The following ANXA3 variants were observed in gnomAD, a reference collection of about 807,000 sequenced individuals.
The protein encoded by ANXA3 is 35-alpha calcimedin.
A neutral mutation model predicts 48.8 loss-of-function variants in ANXA3; 46 were observed. The ratio of observed to expected loss-of-function variants is 0.94; its 90% CI spans 0.74 to 1.21. The LOEUF is 1.21. ANXA3 is among the 50% of genes most tolerant of loss of function. ANXA3 has a pLI of 0.00. For synonymous variants in ANXA3, 128 were observed against 134.7 expected (o/e 0.95, Z 0.35); for missense variants, 383 against 378.6 (o/e 1.01, Z -0.10).
chr4:78,595,949 A>G, intron 9 of ANXA3, 62 bp downstream of exon 9: 5 of 1,143,772 alleles, frequency 4.4e-6, no homozygotes, highest in Non-Finnish European at 6.5e-6. Flanking sequence ...TTTTGCATTT[A>G]GTATACAAAG....
intron 2 of ANXA3, among the ~76,000 whole-genome samples, chr4:78,563,830 T>C (rs941632245): frequency 6.6e-6 from 1 of 152,166 alleles, no homozygotes; most frequent in Admixed American, 6.5e-5. Flanking sequence ...ATAAATTCTC[T>C]ATATATTCCT....
intron 5 of ANXA3, among the ~76,000 whole-genome samples, chr4:78,585,165 T>G (rs1361509429): frequency 3.9e-5 from 6 of 152,240 alleles, no homozygotes. Context: ...ATCTGAGCAT[T>G]GTTTCTCTAT....
intron 3 of ANXA3, among the ~76,000 whole-genome samples, chr4:78,576,643 T>G (rs961058893): frequency 6.6e-6 from 1 of 152,146 alleles, no homozygotes; most frequent in East Asian, 1.9e-4. Flanking sequence ...TTTCATGAGG[T>G]TAATAGTCTT....
intron 1 of ANXA3, 26 bp from the exon 2 acceptor site, chr4:78,554,410 A>C: frequency 7.0e-7 from 1 of 1,437,004 alleles, no homozygotes; most frequent in Non-Finnish European, 9.8e-7. Flanking sequence ...TATTGATACC[A>C]TTTACTAATT....
chr4:78,604,453 C>T, intron 12 of ANXA3, 54 bp downstream of exon 12: 3 of 1,481,708 alleles, frequency 2.0e-6, no homozygotes, highest in South Asian at 2.4e-5. Context: ...CTACCCATCT[C>T]CTTACTCTTA....
intron 2 of ANXA3, among the ~76,000 whole-genome samples, chr4:78,571,892 A>G (rs1396726431): frequency 2.0e-5 from 3 of 152,240 alleles, no homozygotes; most frequent in Non-Finnish European, 4.4e-5. Context: ...CTGAAGATCT[A>G]TGATGTCAGT....
intron 10 of ANXA3, among the ~76,000 whole-genome samples, chr4:78,600,749 T>C (rs1266963706): frequency 6.6e-6 from 1 of 152,204 alleles, no homozygotes; most frequent in Non-Finnish European, 1.5e-5. Context: ...GATTCCTACC[T>C]AGAGATCAGA....
intron 2 of ANXA3, among the ~76,000 whole-genome samples, chr4:78,567,592 T>G (rs1351142225): frequency 6.6e-6 from 1 of 152,140 alleles, no homozygotes; most frequent in Non-Finnish European, 1.5e-5. Flanking sequence ...AACAGTAAAT[T>G]TTTTGTAACA....
intron 3 of ANXA3, among the ~76,000 whole-genome samples, chr4:78,575,274 T>C (rs925344883): frequency 2.0e-5 from 3 of 152,170 alleles, no homozygotes; most frequent in African/African-American, 7.2e-5. Flanking sequence ...TAAAAAATAT[T>C]ACAAGCCATG....
At chr4:78,608,656 C>A (rs1723699149) in intron 12 of ANXA3, among the ~76,000 whole-genome samples, 1 of 152,118 alleles carries the variant, frequency 6.6e-6, no homozygotes, top group Non-Finnish European at 1.5e-5. Context: ...GGATGACACT[C>A]AAGTTCCTAA....
intron 9 of ANXA3, among the ~76,000 whole-genome samples, chr4:78,596,309 C>G (rs554113370): frequency 2.6e-5 from 4 of 152,218 alleles, no homozygotes; most frequent in Non-Finnish European, 1.5e-5. Flanking sequence ...ACTGATTAAC[C>G]TTTAGCTATT....
chr4:78,576,311 A>AT (rs529332360), intron 3 of ANXA3, among the ~76,000 whole-genome samples: 40 of 147,156 alleles, frequency 2.7e-4, no homozygotes, highest in South Asian at 4.3e-4. Context: ...TGATTTCCTT[A>AT]TTTTTTTTTT....
At chr4:78,598,147 A>G (rs1031578907) in intron 10 of ANXA3, among the ~76,000 whole-genome samples, 1 of 151,892 alleles carries the variant, frequency 6.6e-6, no homozygotes, top group African/African-American at 2.4e-5. Flanking sequence ...TTTGGGCAAC[A>G]TAGCAAGATC....
intron 2 of ANXA3, among the ~76,000 whole-genome samples, chr4:78,568,939 C>A (rs1262323504): frequency 6.6e-6 from 1 of 152,236 alleles, no homozygotes; most frequent in Non-Finnish European, 1.5e-5. Context: ...GCTGTGGGAA[C>A]TTAGACAAGT....
Position 78,591,615 on chromosome 4 carries a change from T to C in ANXA3, c.475T>C (p.Leu159=), listed in dbSNP as rs1337304628. The C allele has an allele frequency of 1.9e-6, 3 of 1,613,004 alleles. No individual in the cohort carries two copies. In the Admixed American group the frequency reaches 5.0e-5, roughly 27 times the overall value. The change falls in exon 7 of 13, where the codon TTG becomes CTG. Residue 159 remains leucine, a synonymous_variant. Coordinates refer to ENST00000264908, the MANE Select transcript of ANXA3 (RefSeq NM_005139.3). ...TGACTTCCGGAAAGCTCTGTTGACTTTGGCAGATGTAAGGTTTTATTTTTT... is the reference window on the plus strand; with the variant it reads ...TGACTTCCGGAAAGCTCTGTTGACTCTGGCAGATGTAAGGTTTTATTTTTT... ...SGDFRKALLT[L]ADGRRDESLK...
chr4:78,552,549 A>G (rs1175184464), intron 1 of ANXA3, among the ~76,000 whole-genome samples: 1 of 151,452 alleles, frequency 6.6e-6, no homozygotes, highest in Non-Finnish European at 1.5e-5. Context: ...ACCAGGTGGA[A>G]GATTTGGATA....
chr4:78,608,407 G>A (rs1274189552), intron 12 of ANXA3, among the ~76,000 whole-genome samples: 3 of 152,080 alleles, frequency 2.0e-5, no homozygotes, highest in African/African-American at 4.8e-5. Flanking sequence ...GGATGTGGGG[G>A]CCAGATCATG....
intron 2 of ANXA3, among the ~76,000 whole-genome samples, chr4:78,571,474 C>T (rs1722839406): frequency 1.3e-5 from 2 of 152,166 alleles, no homozygotes; most frequent in Non-Finnish European, 2.9e-5. Flanking sequence ...TCTAATGAAT[C>T]AGCAGACTAT....
At chr4:78,557,162 G>A (rs1290456156) in intron 2 of ANXA3, among the ~76,000 whole-genome samples, 1 of 152,172 alleles carries the variant, frequency 6.6e-6, no homozygotes, top group Non-Finnish European at 1.5e-5. Context: ...CTGGCTGCCA[G>A]CAGAAGCTGT....
Sources: allele counts gnomAD v4.1 joint callset (sites outside exome capture counted in the v4.1 genomes callset), GRCh38; gene constraint gnomAD v4.1.1; transcripts MANE v1.5; gene names NCBI Gene and HGNC (gene_info 2026-07-23, HGNC 2026-07-21).